Variants in WARS1 observed in about 807,000 individuals in gnomAD.
The protein encoded by WARS1 is tryptophan--tRNA ligase, cytoplasmic.
In WARS1, 17 loss-of-function variants were observed where a neutral mutation model predicts 47.8. The observed-to-expected ratio is 0.36, with a 90% CI of 0.24 to 0.53. The LOEUF (loss-of-function observed/expected upper bound fraction) is 0.53, where lower values mean the gene tolerates loss of function less well. WARS1 is among the 20% of genes least tolerant of loss of function. WARS1 has a pLI of 0.91. For missense variants in WARS1, 434 were observed against 608.0 expected, an observed-to-expected ratio of 0.71 and a Z score of 3.01; for synonymous variants, 208 against 228.1, an observed-to-expected ratio of 0.91 and a Z score of 0.79.
chr14:100,369,071 C>A lies in WARS1; in HGVS notation c.99+16G>T. 2 of 1,511,798 alleles carry A rather than the reference C, an allele frequency of 1.3e-6. No homozygotes were observed. Among genetic ancestry groups the A allele is most frequent in the South Asian group, 1.3e-5 (1 of 78,372 alleles). The allele number at this position is 1,511,798 out of a possible 1,614,324, so 93.6% of individuals were successfully genotyped here. On this transcript the variant is annotated intron_variant, in intron 2 of 10. Coordinates refer to ENST00000392882, the MANE Select transcript of WARS1 (RefSeq NM_004184.4). ...GGCTCAGCTGCCTTCGTGGAGAACC[C>A]AGCAAAATCATGTACCTTTGACGCA...
chr14:100,353,570 A>G, intron 6 of WARS1, 117 bp downstream of exon 6: 2 of 1,280,304 alleles, frequency 1.6e-6, no homozygotes, highest in South Asian at 2.9e-5. Flanking sequence ...TAATAAAGGA[A>G]GAAGAACATT....
In WARS1 at chr14:100,360,647, C is replaced by A; in HGVS notation, c.329G>T (p.Ser110Ile). ...YDKLIVRFGS[S>I]KIDKELINRI... is the part of the protein sequence containing the mutation. The stretch of plus-strand genomic sequence containing the variant: ...GTTTATTAGCTCTTTGTCAATTTTA[C>A]TACTTCCAAACCGAACTGGAAAAAA... The change falls in exon 4 of 11, where the codon AGT becomes ATT. Residue 110 changes from serine (S) to isoleucine (I), a missense_variant. By Grantham distance (142) the Ser-to-Ile change is moderately radical. Coordinates refer to ENST00000392882, the MANE Select transcript of WARS1 (RefSeq NM_004184.4). 1 of 1,613,752 alleles carries A rather than the reference C, an allele frequency of 6.2e-7. No homozygotes were observed. Among genetic ancestry groups the A allele is most frequent in the Non-Finnish European group, 8.5e-7 (1 of 1,179,744 alleles).
chr14:100,343,491 A>G, intron 7 of WARS1, 104 bp from the exon 8 acceptor site: 2 of 755,130 alleles, frequency 2.6e-6, no homozygotes, highest in Non-Finnish European at 4.1e-6. Flanking sequence ...TAAAACAATC[A>G]TTAAAATAAA....
intron 1 of WARS1, among the ~76,000 whole-genome samples, chr14:100,371,758 T>G (rs941818519): frequency 2.6e-5 from 4 of 151,646 alleles, no homozygotes; most frequent in Non-Finnish European, 5.9e-5. Flanking sequence ...TTCCAAAAAG[T>G]ATGTAAATCA....
intron 6 of WARS1, among the ~76,000 whole-genome samples, chr14:100,351,684 G>A (rs1356642521): frequency 1.3e-5 from 2 of 151,922 alleles, no homozygotes; most frequent in African/African-American, 4.8e-5. Flanking sequence ...GCTGAACCAA[G>A]AGAAGTAATT....
intron 5 of WARS1, 135 bp downstream of exon 5, chr14:100,354,310 CAA>C: frequency 7.4e-7 from 1 of 1,345,396 alleles, no homozygotes; most frequent in Non-Finnish European, 1.0e-6. Context: ...GAATGGAAGC[CAA>C]AAAAGTGCCA....
intron 2 of WARS1, 32 bp downstream of exon 2, chr14:100,369,055 G>A (rs775821378): frequency 7.4e-6 from 11 of 1,478,038 alleles, no homozygotes; most frequent in Non-Finnish European, 1.0e-5. Flanking sequence ...AGGCTCAGCT[G>A]CCTTCGTGGA....
At chr14:100,352,046 G>A (rs886555310) in intron 6 of WARS1, among the ~76,000 whole-genome samples, 3 of 150,438 alleles carry the variant, frequency 2.0e-5, no homozygotes, top group African/African-American at 4.9e-5. Context: ...ATAGAAGGGC[G>A]AGATTTCCTA....
chr14:100,337,239 C>T, intron 9 of WARS1, 37 bp from the exon 10 acceptor site: 1 of 1,600,708 alleles, frequency 6.2e-7, no homozygotes, highest in South Asian at 1.1e-5. Context: ...CTCCTCAGTC[C>T]TGCTCATCCT....
intron 4 of WARS1, among the ~76,000 whole-genome samples, chr14:100,355,753 T>C (rs896989991): frequency 6.6e-6 from 1 of 152,226 alleles, no homozygotes; most frequent in African/African-American, 2.4e-5. Flanking sequence ...TCTGGACAGA[T>C]ACAATTGTGG....
intron 9 of WARS1, among the ~76,000 whole-genome samples, chr14:100,341,209 C>A (rs892398689): frequency 6.6e-6 from 1 of 152,172 alleles, no homozygotes; most frequent in Non-Finnish European, 1.5e-5. Context: ...AGCTATCGCA[C>A]CTGGCCATAA....
At chr14:100,368,178 G>A (rs915337830) in intron 2 of WARS1, among the ~76,000 whole-genome samples, 1 of 152,218 alleles carries the variant, frequency 6.6e-6, no homozygotes, top group Non-Finnish European at 1.5e-5. Context: ...TCACTGGACA[G>A]GGAAAGGGCT....
intron 1 of WARS1, among the ~76,000 whole-genome samples, chr14:100,374,622 T>C (rs1308888692): frequency 6.6e-6 from 1 of 152,222 alleles, no homozygotes; most frequent in Non-Finnish European, 1.5e-5. Context: ...GGCACGCTGA[T>C]TCTGCAATCT....
rs763195088 is a variant in WARS1, at chr14:100,335,026, C to A, written c.1265G>T (p.Ser422Ile). The A allele has an allele frequency of 6.2e-7, 1 of 1,613,938 alleles. No individual in the cohort carries two copies. The highest frequency in any genetic ancestry group is 1.1e-5 in the South Asian group (1 of 91,078). ...GAGCTCACCGGTGAGCATGGCTCCG[C>A]TGGTGTAATCCTGCCCGGAGGGAGA... ...KLEQIRKDYT[S>I]GAMLTGELKK... is the part of the protein sequence containing the mutation. The change falls in exon 11 of 11, where the codon AGC becomes ATC. Residue 422 changes from serine to isoleucine, a missense_variant. Coordinates refer to ENST00000392882, the MANE Select transcript of WARS1 (RefSeq NM_004184.4).
intron 4 of WARS1, among the ~76,000 whole-genome samples, chr14:100,358,227 G>GTTCA (rs1895450780): frequency 6.6e-6 from 1 of 152,064 alleles, no homozygotes; most frequent in Non-Finnish European, 1.5e-5. Context: ...CCGCCTCCCG[G>GTTCA]GTTCATGCCA....
At chr14:100,369,056 C>T (rs1393740858) in intron 2 of WARS1, 31 bp downstream of exon 2, 100 of 1,476,758 alleles carry the variant, frequency 6.8e-5, no homozygotes, top group Non-Finnish European at 8.8e-5. Context: ...GGCTCAGCTG[C>T]CTTCGTGGAG....
chr14:100,342,755 T>C (rs1188172619), intron 8 of WARS1, among the ~76,000 whole-genome samples, 184 bp from the exon 9 acceptor site: 1 of 151,896 alleles, frequency 6.6e-6, no homozygotes, highest in South Asian at 2.1e-4. Flanking sequence ...CTGGGATACA[T>C]GTACAGAACA....
At chr14:100,343,248 G>A in intron 8 of WARS1, 27 bp downstream of exon 8, 1 of 1,580,308 alleles carries the variant, frequency 6.3e-7, no homozygotes. Flanking sequence ...CCCAGACTTA[G>A]AGAGCCTTGC....
intron 2 of WARS1, 100 bp from the exon 3 acceptor site, chr14:100,362,021 C>CA: frequency 3.2e-6 from 4 of 1,243,286 alleles, no homozygotes; most frequent in Non-Finnish European, 4.6e-6. Flanking sequence ...TGCTTTTACA[C>CA]GTGTTACCTT....
Sources: gnomAD v4.1 joint callset for allele counts (sites outside exome capture counted in the v4.1 genomes callset) on GRCh38, gnomAD v4.1.1 for gene constraint, MANE v1.5 for transcripts, NCBI Gene and HGNC (gene_info 2026-07-23, HGNC 2026-07-21) for gene names.